Variants in GDF1 observed in about 807,000 individuals in gnomAD.
GDF1 encodes the protein growth differentiation factor 1.
GDF1 carries 8 observed loss-of-function variants against 7.4 expected under a neutral mutation model. That is an observed-to-expected ratio of 1.09 (90% CI 0.64 to 1.96). The LOEUF is 1.96. Ranked by LOEUF, GDF1 falls within the 30% of genes most tolerant of loss-of-function variation. The probability of loss-of-function intolerance (pLI) is 0.00; values close to 1 mark genes in which losing one functional copy is unlikely to be tolerated. For synonymous variants in GDF1, 311 were observed against 276.7 expected, an observed-to-expected ratio of 1.12 and a Z score of -1.23; for missense variants, 574 against 551.5, an observed-to-expected ratio of 1.04 and a Z score of -0.41.
At position 18,870,934 on chromosome 19, in the gene GDF1, G is replaced by C. The variant is rs569888260; in HGVS notation, c.-312-315C>G. Among the ~76,000 whole-genome samples, 2 of 151,966 alleles carry C rather than the reference G, an allele frequency of 1.3e-5. No homozygotes were observed. The highest frequency in any genetic ancestry group is 2.9e-5 in the Non-Finnish European group (2 of 68,000). On this transcript the variant is annotated intron_variant, in intron 6 of 7. Transcript: ENST00000247005. This position sits in a 1 kb window ranked among gnomAD's most constrained non-coding sequence, Gnocchi z 5.1. The stretch of plus-strand genomic sequence containing the variant: ...CAGGCCGCTGGAGGGCAAAACCCAC[G>C]TACCGGCCTGGGCCTGACAACTCCA...
At chr19:18,872,707 G>A (rs371153257) in intron 6 of GDF1, among the ~76,000 whole-genome samples, 69,939 of 151,652 alleles carry the variant, frequency 0.46, 16,299 homozygotes, top group South Asian at 0.6. Context: ...GTAGAGATGC[G>A]GTTTTACCAT....
Position 18,869,135 on chromosome 19 carries a change from A to G in GDF1, c.581T>C (p.Val194Ala). 1 of 1,104,732 alleles carries G rather than the reference A, an allele frequency of 9.1e-7. No individual in the cohort carries two copies. The highest frequency in any genetic ancestry group is 3.3e-5 in the South Asian group (1 of 30,604). The allele number at this position is 1,104,732 out of a possible 1,614,324, so 68.4% of individuals were successfully genotyped here. Residue 194 changes from valine (V) to alanine (A), a missense_variant, in exon 8 of 8, where the codon GTG (valine) becomes GCG (alanine). Transcript: ENST00000247005. ...RQLVPALGPP[V>A]RAELLGAAWA... ...AGCGGCGCCCAGCAGCTCCGCGCGC[A>G]CTGGCGGCCCCAGGGCGGGCACCAA... is the stretch of plus-strand genomic sequence containing the variant.
Position 18,869,329 on chromosome 19 carries a change from G to A in GDF1, c.387C>T (p.Val129=). Residue 129 remains valine, a synonymous_variant, in exon 8 of 8, where the codon GTC becomes GTT. Coordinates refer to ENST00000247005, the MANE Select transcript of GDF1 (RefSeq NM_001492.6). ...SAAGHCPEWT[V]VFDLSAVEPA... ...GTTCCACAGCCGACAGGTCGAAGACGACTGTCCACTCAGGGCAATGCCCCG... is the reference window on the plus strand; with the variant it reads ...GTTCCACAGCCGACAGGTCGAAGACAACTGTCCACTCAGGGCAATGCCCCG... The A allele has an allele frequency of 6.5e-7, 1 of 1,528,258 alleles. No individual in the cohort carries two copies. The highest frequency in any genetic ancestry group is 8.7e-7 in the Non-Finnish European group (1 of 1,144,768). The allele number at this position is 1,528,258 out of a possible 1,614,324, so 94.7% of individuals were successfully genotyped here. A position where few individuals can be genotyped will look rare whatever the true frequency, so the allele number is the denominator to read the frequency against.
rs755371379 is a variant in GDF1, at chr19:18,893,575, G to T, written c.-1073C>A. 12 of 1,606,838 alleles carry T rather than the reference G, an allele frequency of 7.5e-6. No individual in the cohort carries two copies. Among genetic ancestry groups the T allele is most frequent in the Middle Eastern group, 1.7e-4 (1 of 5,864 alleles). ...TGGAGGCAGCACCGCTTCGCCAGGGGCTATGGGGGAGAAGACAGGCGGGCA... is the reference window on the plus strand; with the variant it reads ...TGGAGGCAGCACCGCTTCGCCAGGGTCTATGGGGGAGAAGACAGGCGGGCA... On this transcript the variant is annotated splice_region_variant and 5_prime_UTR_variant, in exon 2 of 8. Transcript: ENST00000247005.
chr19:18,888,643 CA>C (rs2056419776), intron 2 of GDF1, among the ~76,000 whole-genome samples: 2 of 151,116 alleles, frequency 1.3e-5, no homozygotes, highest in African/African-American at 4.9e-5. Context: ...CCAGCCTGAC[CA>C]ACATGGTGAA....
intron 2 of GDF1, among the ~76,000 whole-genome samples, chr19:18,891,466 C>T (rs1423777871): frequency 6.6e-6 from 1 of 152,202 alleles, no homozygotes; most frequent in Non-Finnish European, 1.5e-5. Flanking sequence ...GCATTCTCTG[C>T]CAGGACAGGT....
chr19:18,877,019 C>A (rs1039212171), intron 6 of GDF1, among the ~76,000 whole-genome samples: 43 of 152,192 alleles, frequency 2.8e-4, no homozygotes, highest in African/African-American at 8.4e-4. Flanking sequence ...TCCTGACGGG[C>A]TCTTTTGGAA....
Position 18,870,186 on chromosome 19 carries a change from T to C in GDF1, c.122A>G (p.Gln41Arg), listed in dbSNP as rs781079772. 5 of 1,563,954 alleles carry C rather than the reference T, an allele frequency of 3.2e-6. No individual in the cohort carries two copies. In the African/African-American group the frequency reaches 5.4e-5, roughly 17 times the overall value. The change falls in exon 7 of 8, where the codon CAG becomes CGG. Residue 41 changes from glutamine to arginine, a missense_variant. Gln to Arg is a conservative substitution (Grantham distance 43). Coordinates refer to ENST00000247005, the MANE Select transcript of GDF1 (RefSeq NM_001492.6). This position sits in a 1 kb window ranked among gnomAD's most constrained non-coding sequence, Gnocchi z 5.1. ...GGGCTCATCGCGCAGTCCTAGAGCC[T>C]GGAGCAGGGCGGCGGCTGGGCCTGG... The part of the protein sequence containing the change: ...VPPGPAAALL[Q>R]ALGLRDEPQG...
Position 18,895,902 on chromosome 19 carries a change from C to T in GDF1, c.-1152G>A, listed in dbSNP as rs1165273715. 10 of 1,257,842 alleles carry T rather than the reference C, an allele frequency of 8.0e-6. No individual in the cohort carries two copies. Among genetic ancestry groups the T allele is most frequent in the Non-Finnish European group, 1.0e-5 (10 of 1,001,034 alleles). The allele number at this position is 1,257,842 out of a possible 1,614,324, so 77.9% of individuals were successfully genotyped here. A position where few individuals can be genotyped will look rare whatever the true frequency, so the allele number is the denominator to read the frequency against. On this transcript the variant is annotated 5_prime_UTR_variant, in exon 1 of 8. Coordinates refer to ENST00000247005, the MANE Select transcript of GDF1 (RefSeq NM_001492.6). This position sits in a 1 kb window ranked among gnomAD's most constrained non-coding sequence, Gnocchi z 6.4. ...CGAGCGCCAGCAGCAGCAGCTCGGGCGGCGCCAGGTGCGCGTGCTCAGCCA... is the reference window on the plus strand; with the variant it reads ...CGAGCGCCAGCAGCAGCAGCTCGGGTGGCGCCAGGTGCGCGTGCTCAGCCA...
At chr19:18,887,266 G>A (rs1005448629) in intron 2 of GDF1, among the ~76,000 whole-genome samples, 3 of 152,216 alleles carry the variant, frequency 2.0e-5, no homozygotes, top group African/African-American at 7.2e-5. Flanking sequence ...AGGTCACACA[G>A]TGTGAGACTC....
Position 18,878,096 on chromosome 19 carries a change from T to G in GDF1, c.-313+834A>C. 2 of 985,520 alleles carry G rather than the reference T, an allele frequency of 2.0e-6. No individual in the cohort carries two copies. Among genetic ancestry groups the G allele is most frequent in the Non-Finnish European group, 2.4e-6 (2 of 830,004 alleles). 61.0% of individuals were successfully genotyped at this position (985,520 alleles called of 1,614,324 possible). A position where few individuals can be genotyped will look rare whatever the true frequency, so the allele number is the denominator to read the frequency against. On this transcript the variant is annotated intron_variant, in intron 6 of 7. Transcript: ENST00000247005. This position sits in a 1 kb window ranked among gnomAD's most constrained non-coding sequence, Gnocchi z 4.6. ...CGTCACGGAGCTCTGAGCCACTGCTTCCCTGAAACCATCGTTCCCACGTCA... is the reference window on the plus strand; with the variant it reads ...CGTCACGGAGCTCTGAGCCACTGCTGCCCTGAAACCATCGTTCCCACGTCA...
rs772333294 is a variant in GDF1, at chr19:18,879,056, G to C, written c.-422-17C>G. 2.5e-6 allele frequency: 4 copies of C among 1,611,912 alleles called. No homozygotes were observed. The African/African-American group carries it at 5.3e-5, about 22-fold the overall frequency. ...CACGATGTACTGCGAGAGGGGAGGGGAGGTGCCAGTGAGAAGAAAGCCCCC... is the reference window on the plus strand; with the variant it reads ...CACGATGTACTGCGAGAGGGGAGGGCAGGTGCCAGTGAGAAGAAAGCCCCC... On this transcript the variant is annotated splice_polypyrimidine_tract_variant and intron_variant, in intron 5 of 7. Transcript: ENST00000247005.
At position 18,868,881 on chromosome 19, in the gene GDF1, C is replaced by T; in HGVS notation, c.835G>A (p.Val279Met). The T allele has an allele frequency of 7.0e-7, 1 of 1,433,452 alleles. No homozygotes were observed. Among genetic ancestry groups the T allele is most frequent in the East Asian group, 3.3e-5 (1 of 30,718 alleles). The allele number at this position is 1,433,452 out of a possible 1,614,324, so 88.8% of individuals were successfully genotyped here. ...GCGATGACCCAGCGGTGCCAGCCCA[C>T]CTCGCGGAAGCTCACGTACAGCCGC... ...ARRLYVSFRE[V>M]GWHRWVIAPR... Residue 279 changes from valine to methionine, a missense_variant, in exon 8 of 8, where the codon GTG (valine) becomes ATG (methionine). Transcript: ENST00000247005.
chr19:18,895,538 G>A lies in GDF1; in HGVS notation c.-1074+286C>T, dbSNP rs542942608. On this transcript the variant is annotated intron_variant, in intron 1 of 7. Coordinates refer to ENST00000247005, the MANE Select transcript of GDF1 (RefSeq NM_001492.6). This position sits in a 1 kb window ranked among gnomAD's most constrained non-coding sequence, Gnocchi z 6.4. ...ACGTCTCAAACATCCCACCTGTCTC[G>A]GGCCCCCCATGTCCCAGACTCACCC... Among the ~76,000 whole-genome samples the A allele has an allele frequency of 6.6e-5, 10 of 151,452 alleles. No individual in the cohort carries two copies. The East Asian group carries it at 1.2e-3, about 18-fold the overall frequency.
At chr19:18,892,735 C>A (rs1437878846) in intron 2 of GDF1, among the ~76,000 whole-genome samples, 12 of 152,044 alleles carry the variant, frequency 7.9e-5, no homozygotes. Context: ...GTGCTGTTAC[C>A]GACACCTGGA....
Position 18,881,297 on chromosome 19 carries a change from G to A in GDF1, c.-732-862C>T, listed in dbSNP as rs182070949. 4.1e-4 allele frequency among the ~76,000 whole-genome samples: 62 copies of A among 149,876 alleles called. 1 individual carries two copies. The East Asian group carries it at 5.7e-3, about 14-fold the overall frequency. Reference sequence around the variant, plus strand: ...CGCAATGGCACGATCTCAGCTCACCGCAACCTCCACCTCCCGGGTTCAAGC... The same window carrying A: ...CGCAATGGCACGATCTCAGCTCACCACAACCTCCACCTCCCGGGTTCAAGC... On this transcript the variant is annotated intron_variant, in intron 3 of 7. Coordinates refer to ENST00000247005, the MANE Select transcript of GDF1 (RefSeq NM_001492.6).
chr19:18,889,119 C>T (rs1291578612), intron 2 of GDF1, among the ~76,000 whole-genome samples: 6 of 151,948 alleles, frequency 3.9e-5, no homozygotes, highest in Admixed American at 6.6e-5. Context: ...CTGGAACTCC[C>T]GGCCTCAAGT....
intron 6 of GDF1, among the ~76,000 whole-genome samples, chr19:18,874,884 C>T (rs1238611896): frequency 2.0e-5 from 3 of 152,174 alleles, no homozygotes; most frequent in African/African-American, 7.2e-5. Flanking sequence ...CTTCACGCCT[C>T]CTGAGTTACC....
chr19:18,875,542 C>CAA (rs886609723), intron 6 of GDF1, among the ~76,000 whole-genome samples: 5 of 97,356 alleles, frequency 5.1e-5, no homozygotes, highest in African/African-American at 7.4e-5. Flanking sequence ...GACACTGTCT[C>CAA]AAAAAAAAAA....
Sources: gnomAD v4.1 joint callset for allele counts (sites outside exome capture counted in the v4.1 genomes callset) on GRCh38, gnomAD v4.1.1 for gene constraint, Gnocchi (gnomAD v3.1) non-coding constraint, MANE v1.5 for transcripts, NCBI Gene and HGNC (gene_info 2026-07-23, HGNC 2026-07-21) for gene names.